The following RSRC1 variants were observed in gnomAD, a reference collection of about 807,000 sequenced individuals.
The protein encoded by RSRC1 is serine/Arginine-related protein 53.
Under a neutral mutation model 49.1 loss-of-function variants are expected in RSRC1, and 39 were observed. The ratio of observed to expected loss-of-function variants is 0.79; its 90% CI spans 0.61 to 1.04. The LOEUF (loss-of-function observed/expected upper bound fraction) is 1.04. Among genes scored for constraint, RSRC1 ranks in the 50% least tolerant of loss-of-function variants. The pLI is 0.00. For missense variants in RSRC1, 388 were observed against 402.4 expected, an observed-to-expected ratio of 0.96 and a Z score of 0.31; for synonymous variants, 143 against 130.8, an observed-to-expected ratio of 1.09 and a Z score of -0.63.
chr3:158,209,631 A>C (rs1450428754), intron 4 of RSRC1, among the ~76,000 whole-genome samples: 2 of 151,914 alleles, frequency 1.3e-5, no homozygotes, highest in African/African-American at 4.8e-5. Context: ...TCCTCATTGG[A>C]TTTTCAGTAG....
chr3:158,311,891 T>C (rs1213040070), intron 5 of RSRC1, among the ~76,000 whole-genome samples: 1 of 151,282 alleles, frequency 6.6e-6, no homozygotes, highest in Non-Finnish European at 1.5e-5. Flanking sequence ...AATATGAGAG[T>C]GGGGAAATTT....
At chr3:158,196,190 T>C (rs1228240006) in intron 3 of RSRC1, among the ~76,000 whole-genome samples, 1 of 151,846 alleles carries the variant, frequency 6.6e-6, no homozygotes, top group Non-Finnish European at 1.5e-5. Context: ...GTGTGGTTTG[T>C]AGTTCTCCTT....
intron 4 of RSRC1, among the ~76,000 whole-genome samples, chr3:158,216,686 A>G (rs1463681576): frequency 1.7e-4 from 26 of 151,738 alleles, no homozygotes; most frequent in Admixed American, 1.7e-3. Flanking sequence ...GTTGATTCAA[A>G]TTATCGAATC....
rs1737577217 is a variant in RSRC1, at chr3:158,460,955, A to G, written c.604A>G (p.Lys202Glu). 7 of 1,599,012 alleles carry G rather than the reference A, an allele frequency of 4.4e-6. No homozygotes were observed. The highest frequency in any genetic ancestry group is 5.1e-6 in the Non-Finnish European group (6 of 1,171,020). Reference sequence around the variant, plus strand: ...TTCAGCAAAAGCTGATGAAGCATTGAAAGCCAAAGAAAGAAATGAGGAAGA... The same window carrying G: ...TTCAGCAAAAGCTGATGAAGCATTGGAAGCCAAAGAAAGAAATGAGGAAGA... ...EAAAKADEAL[K>E]AKERNEEEAK... The change falls in exon 7 of 10, where the codon AAA becomes GAA. Residue 202 changes from lysine (K) to glutamate (E), a missense_variant. By Grantham distance (56) the Lys-to-Glu change is moderately conservative (BLOSUM62 1). Transcript: ENST00000611884.
chr3:158,354,987 TAAA>T (rs5853823), intron 6 of RSRC1, 79 bp downstream of exon 6: 1 of 698,112 alleles, frequency 1.4e-6, no homozygotes. Context: ...TAGAAATGAG[TAAA>T]AAAAAAAACA....
intron 3 of RSRC1, among the ~76,000 whole-genome samples, chr3:158,181,112 G>T (rs371055230): frequency 6.6e-6 from 1 of 152,054 alleles, no homozygotes; most frequent in Admixed American, 6.5e-5. Context: ...CCCTATGTAC[G>T]TTTTTAAAAG....
At chr3:158,364,433 A>T (rs933332261) in intron 6 of RSRC1, among the ~76,000 whole-genome samples, 2 of 152,076 alleles carry the variant, frequency 1.3e-5, no homozygotes, top group East Asian at 3.9e-4. Flanking sequence ...TTTTTCCCCT[A>T]TATAGGCTTA....
intron 6 of RSRC1, among the ~76,000 whole-genome samples, chr3:158,384,651 G>A (rs1336501643): frequency 6.6e-6 from 1 of 152,120 alleles, no homozygotes. Flanking sequence ...AGCATTTTGA[G>A]AACATTGTAA....
intron 6 of RSRC1, among the ~76,000 whole-genome samples, chr3:158,360,730 C>T (rs2108249959): frequency 6.6e-6 from 1 of 152,324 alleles, no homozygotes; most frequent in Admixed American, 6.5e-5. Flanking sequence ...GGAGCAGGTG[C>T]CAGGAGTGGA....
At chr3:158,524,359 T>C (rs1006198112) in intron 7 of RSRC1, among the ~76,000 whole-genome samples, 2 of 152,070 alleles carry the variant, frequency 1.3e-5, no homozygotes, top group African/African-American at 4.8e-5. Flanking sequence ...GGCTTCACCT[T>C]CAATATCATC....
intron 6 of RSRC1, among the ~76,000 whole-genome samples, chr3:158,400,307 C>T (rs932861280): frequency 5.3e-5 from 8 of 151,960 alleles, no homozygotes; most frequent in African/African-American, 1.9e-4. Context: ...ATAAATATAG[C>T]ACATATAATT....
intron 7 of RSRC1, among the ~76,000 whole-genome samples, chr3:158,535,657 A>G (rs1426740199): frequency 1.3e-5 from 2 of 151,420 alleles, no homozygotes. Flanking sequence ...TTATTAAGCC[A>G]TAACTACTGG....
intron 5 of RSRC1, among the ~76,000 whole-genome samples, chr3:158,344,956 C>T (rs942000547): frequency 1.3e-5 from 2 of 152,132 alleles, no homozygotes; most frequent in East Asian, 1.9e-4. Flanking sequence ...CGGTGGCTTA[C>T]GCCTGTAATC....
chr3:158,344,959 C>T (rs992400463), intron 5 of RSRC1, among the ~76,000 whole-genome samples: 1 of 152,156 alleles, frequency 6.6e-6, no homozygotes, highest in African/African-American at 2.4e-5. Context: ...TGGCTTACGC[C>T]TGTAATCCCA....
chr3:158,525,741 A>T (rs1011369218), intron 7 of RSRC1, among the ~76,000 whole-genome samples: 2 of 151,994 alleles, frequency 1.3e-5, no homozygotes, highest in African/African-American at 4.8e-5. Flanking sequence ...GATGTACCCA[A>T]CAACATGGAT....
chr3:158,523,363 T>C (rs1036780310), intron 7 of RSRC1, among the ~76,000 whole-genome samples: 2 of 152,088 alleles, frequency 1.3e-5, no homozygotes, highest in Non-Finnish European at 2.9e-5. Flanking sequence ...AAAAGTTAGA[T>C]GTCTATACTC....
chr3:158,143,020 G>A (rs1361426455), intron 3 of RSRC1, among the ~76,000 whole-genome samples: 1 of 152,090 alleles, frequency 6.6e-6, no homozygotes, highest in Non-Finnish European at 1.5e-5. Flanking sequence ...TTCCAATACA[G>A]GTATTTAAAA....
At chr3:158,493,830 A>T (rs995688780) in intron 7 of RSRC1, among the ~76,000 whole-genome samples, 5 of 152,198 alleles carry the variant, frequency 3.3e-5, no homozygotes, top group Non-Finnish European at 5.9e-5. Context: ...GTATATCCTT[A>T]TATTAGGCTT....
chr3:158,211,619 G>T (rs1721682648), intron 4 of RSRC1, among the ~76,000 whole-genome samples: 1 of 151,936 alleles, frequency 6.6e-6, no homozygotes, highest in Middle Eastern at 3.2e-3. Context: ...AAGGAAAGGT[G>T]CCCTAGACAA....
Sources: allele counts gnomAD v4.1 joint callset (sites outside exome capture counted in the v4.1 genomes callset), GRCh38; gene constraint gnomAD v4.1.1; transcripts MANE v1.5; gene names NCBI Gene and HGNC (gene_info 2026-07-23, HGNC 2026-07-21).